REC114: variants seen among roughly 807,000 people sequenced by gnomAD.
REC114 encodes meiotic recombination protein REC114.
REC114 carries 27 observed loss-of-function variants against 31.3 expected under a neutral mutation model. That is an observed-to-expected ratio of 0.86 (90% CI 0.64 to 1.19). The LOEUF is 1.19. REC114 is among the 50% of genes most tolerant of loss of function. The pLI is 0.00. For synonymous variants in REC114, 134 were observed against 127.7 expected, an observed-to-expected ratio of 1.05 and a Z score of -0.33; for missense variants, 344 against 326.9, an observed-to-expected ratio of 1.05 and a Z score of -0.40.
At chr15:73,536,246 A>G (rs74689652) in intron 2 of REC114, among the ~76,000 whole-genome samples, 7,277 of 152,150 alleles carry the variant, frequency 0.048, 190 homozygotes, top group South Asian at 0.093. Flanking sequence ...CTGAACCTCA[A>G]TTTTTCTGCC....
intron 1 of REC114, among the ~76,000 whole-genome samples, chr15:73,454,466 G>T (rs1162329905): frequency 6.6e-6 from 1 of 152,128 alleles, no homozygotes; most frequent in Non-Finnish European, 1.5e-5. Flanking sequence ...TGAGAGGCTT[G>T]GCTGTGAGTA....
At chr15:73,537,478 T>C (rs1310937154) in intron 2 of REC114, among the ~76,000 whole-genome samples, 1 of 148,584 alleles carries the variant, frequency 6.7e-6, no homozygotes, top group African/African-American at 2.6e-5. Flanking sequence ...TGCCATATTG[T>C]AGTGGGTATC....
At chr15:73,523,329 G>A (rs1193026088) in intron 2 of REC114, among the ~76,000 whole-genome samples, 1 of 151,626 alleles carries the variant, frequency 6.6e-6, no homozygotes, top group Admixed American at 6.6e-5. Context: ...AAAAAAAAAA[G>A]GGGGAAATGA....
chr15:73,481,322 C>T (rs1893290484), intron 2 of REC114, among the ~76,000 whole-genome samples: 1 of 152,150 alleles, frequency 6.6e-6, no homozygotes, highest in Non-Finnish European at 1.5e-5. Flanking sequence ...GATTAAACTG[C>T]ATGCATGGTA....
At chr15:73,546,855 CTA>C (rs1428802359) in intron 3 of REC114, among the ~76,000 whole-genome samples, 1 of 149,560 alleles carries the variant, frequency 6.7e-6, no homozygotes, top group African/African-American at 2.4e-5. Flanking sequence ...AAACTGATAT[CTA>C]TGTGCAGAAG....
chr15:73,547,883 AAG>A (rs1894331947), intron 3 of REC114, among the ~76,000 whole-genome samples: 1 of 152,218 alleles, frequency 6.6e-6, no homozygotes. Flanking sequence ...TTTCGTGACA[AAG>A]ATGCCAAAAG....
intron 2 of REC114, among the ~76,000 whole-genome samples, chr15:73,519,780 G>C (rs1431855574): frequency 2.0e-5 from 3 of 152,192 alleles, no homozygotes; most frequent in African/African-American, 7.2e-5. Flanking sequence ...ACGTATAATG[G>C]AATATTATTT....
chr15:73,544,172 C>A (rs1595882047), intron 3 of REC114, among the ~76,000 whole-genome samples: 1 of 151,942 alleles, frequency 6.6e-6, no homozygotes, highest in South Asian at 2.1e-4. Flanking sequence ...TTATTTAATA[C>A]CTTTATCAGG....
intron 2 of REC114, among the ~76,000 whole-genome samples, chr15:73,475,930 C>T (rs999388260): frequency 1.3e-5 from 2 of 152,120 alleles, no homozygotes; most frequent in African/African-American, 4.8e-5. Context: ...GTTTACTGTA[C>T]CTTCTCTATG....
intron 2 of REC114, among the ~76,000 whole-genome samples, chr15:73,493,231 G>A (rs955189168): frequency 2.0e-5 from 3 of 151,894 alleles, no homozygotes; most frequent in South Asian, 2.1e-4. Context: ...TATTGCCCAG[G>A]CAGCTGCTTA....
intron 4 of REC114, among the ~76,000 whole-genome samples, chr15:73,555,023 A>C (rs527806952): frequency 6.6e-6 from 1 of 152,054 alleles, no homozygotes; most frequent in Non-Finnish European, 1.5e-5. Flanking sequence ...CCCTTTGGCC[A>C]TTTTGCTCGT....
chr15:73,453,287 GAA>G (rs1308019087), intron 1 of REC114, among the ~76,000 whole-genome samples: 1 of 152,104 alleles, frequency 6.6e-6, no homozygotes, highest in East Asian at 1.9e-4. Flanking sequence ...AAATTTACAA[GAA>G]AAAGTCAACC....
chr15:73,514,647 C>T (rs925911199), intron 2 of REC114, among the ~76,000 whole-genome samples: 1 of 151,764 alleles, frequency 6.6e-6, no homozygotes, highest in Non-Finnish European at 1.5e-5. Context: ...TTTTACAAAT[C>T]GTTGGTTCTA....
intron 2 of REC114, among the ~76,000 whole-genome samples, chr15:73,485,367 C>G (rs934822780): frequency 6.6e-6 from 1 of 152,158 alleles, no homozygotes; most frequent in Non-Finnish European, 1.5e-5. Flanking sequence ...CAGGTGTGAG[C>G]CACCGTGCCC....
At chr15:73,479,828 A>G (rs555524376) in intron 2 of REC114, among the ~76,000 whole-genome samples, 25 of 152,188 alleles carry the variant, frequency 1.6e-4, no homozygotes, top group African/African-American at 5.5e-4. Context: ...TTTTTTATCC[A>G]CTTATCCACT....
chr15:73,481,111 T>A (rs1017712480), intron 2 of REC114, among the ~76,000 whole-genome samples: 6 of 152,184 alleles, frequency 3.9e-5, no homozygotes, highest in African/African-American at 1.4e-4. Flanking sequence ...GGAAGCTGCA[T>A]CCATAAAACC....
At chr15:73,483,315 T>C (rs1262500342) in intron 2 of REC114, 1 of 155,258 alleles carries the variant, frequency 6.4e-6, no homozygotes, top group Non-Finnish European at 1.4e-5. Flanking sequence ...CTGTTTTTGC[T>C]TCTTCAGCTT....
chr15:73,487,738 T>G (rs756534893), intron 2 of REC114, among the ~76,000 whole-genome samples: 10 of 152,160 alleles, frequency 6.6e-5, no homozygotes, highest in Non-Finnish European at 1.3e-4. Context: ...TTGTGAGATC[T>G]CAGGAGTGGT....
At chr15:73,475,027 C>T (rs1025969018) in intron 2 of REC114, among the ~76,000 whole-genome samples, 3 of 152,172 alleles carry the variant, frequency 2.0e-5, no homozygotes, top group African/African-American at 7.2e-5. Flanking sequence ...GTTTCTTCAG[C>T]TGCTAATGAG....
Sources: allele counts gnomAD v4.1 joint callset (sites outside exome capture counted in the v4.1 genomes callset), GRCh38; gene constraint gnomAD v4.1.1; transcripts MANE v1.5; gene names NCBI Gene and HGNC (gene_info 2026-07-23, HGNC 2026-07-21).